Variants in VSNL1 observed in about 807,000 individuals in gnomAD.
The protein encoded by VSNL1 is visinin-like protein 1.
A neutral mutation model predicts 20.4 loss-of-function variants in VSNL1; 6 were observed. That is an observed-to-expected ratio of 0.29 (90% CI 0.16 to 0.58). The LOEUF (loss-of-function observed/expected upper bound fraction) is 0.58. Among genes scored for constraint, VSNL1 ranks in the 20% least tolerant of loss-of-function variants. VSNL1 has a pLI of 0.90. For synonymous variants in VSNL1, 93 were observed against 86.4 expected (o/e 1.08, Z -0.42); for missense variants, 100 against 234.5 (o/e 0.43, Z 3.75).
intron 1 of VSNL1, among the ~76,000 whole-genome samples, chr2:17,589,771 A>C (rs780521191): frequency 1.3e-5 from 2 of 152,252 alleles, no homozygotes; most frequent in Non-Finnish European, 2.9e-5. Context: ...AGAAGCTGAT[A>C]CGTTGTTGAA....
intron 1 of VSNL1, among the ~76,000 whole-genome samples, chr2:17,582,287 G>T (rs1664367332): frequency 6.6e-6 from 1 of 152,100 alleles, no homozygotes; most frequent in Non-Finnish European, 1.5e-5. Flanking sequence ...AGCAGGTCTG[G>T]GAAGCCATGC....
chr2:17,604,641 G>A (rs774849169), intron 2 of VSNL1, among the ~76,000 whole-genome samples: 1 of 152,228 alleles, frequency 6.6e-6, no homozygotes, highest in Non-Finnish European at 1.5e-5. Flanking sequence ...TGCTACAGGT[G>A]GCCCCTGGGG....
chr2:17,640,022 G>A (rs1665847788), intron 2 of VSNL1, among the ~76,000 whole-genome samples: 1 of 152,142 alleles, frequency 6.6e-6, no homozygotes, highest in African/African-American at 2.4e-5. Flanking sequence ...GGCCAAGGCG[G>A]GAAGATCACT....
At chr2:17,594,134 G>A (rs1241105127) in intron 2 of VSNL1, among the ~76,000 whole-genome samples, 4 of 152,200 alleles carry the variant, frequency 2.6e-5, no homozygotes, top group Non-Finnish European at 1.5e-5. Flanking sequence ...CCAGCCTCAA[G>A]GTGAGGGGTC....
chr2:17,611,554 G>A (rs1222122638), intron 2 of VSNL1, among the ~76,000 whole-genome samples: 1 of 152,212 alleles, frequency 6.6e-6, no homozygotes, highest in Non-Finnish European at 1.5e-5. Context: ...GCTCCATCCA[G>A]GAAGGGGGCC....
chr2:17,587,867 T>C (rs1435563614), intron 1 of VSNL1, among the ~76,000 whole-genome samples: 2 of 152,120 alleles, frequency 1.3e-5, no homozygotes, highest in Admixed American at 1.3e-4. Context: ...AAAAAAGGGG[T>C]CAATAGTTTA....
At chr2:17,620,593 A>G (rs1665332052) in intron 2 of VSNL1, among the ~76,000 whole-genome samples, 1 of 152,224 alleles carries the variant, frequency 6.6e-6, no homozygotes, top group South Asian at 2.1e-4. Flanking sequence ...CAAAGGGGCC[A>G]CAGTAGAATG....
intron 1 of VSNL1, among the ~76,000 whole-genome samples, chr2:17,560,626 T>C (rs62131510): frequency 0.029 from 4,448 of 152,228 alleles, 61 homozygotes; most frequent in Middle Eastern, 0.054. Flanking sequence ...ATTTCGGGCA[T>C]ATTAAAGACT....
At chr2:17,609,932 A>G (rs1665045547) in intron 2 of VSNL1, among the ~76,000 whole-genome samples, 1 of 152,186 alleles carries the variant, frequency 6.6e-6, no homozygotes, top group Non-Finnish European at 1.5e-5. Context: ...TTATCCCCAC[A>G]TGGAGCCCGG....
intron 1 of VSNL1, among the ~76,000 whole-genome samples, chr2:17,565,979 T>C (rs1284395442): frequency 6.6e-6 from 1 of 152,220 alleles, no homozygotes; most frequent in Non-Finnish European, 1.5e-5. Context: ...AGGATGTGTT[T>C]GCTTCCCCTT....
chr2:17,604,604 T>C (rs1664902331), intron 2 of VSNL1, among the ~76,000 whole-genome samples: 1 of 152,238 alleles, frequency 6.6e-6, no homozygotes, highest in Admixed American at 6.5e-5. Flanking sequence ...TAACACGGTG[T>C]TCCCGTGAGA....
chr2:17,625,297 T>C (rs1572206878), intron 2 of VSNL1, among the ~76,000 whole-genome samples: 1 of 152,334 alleles, frequency 6.6e-6, no homozygotes, highest in East Asian at 1.9e-4. Flanking sequence ...AACAGACTAA[T>C]ACAGGGCTCA....
intron 1 of VSNL1, among the ~76,000 whole-genome samples, chr2:17,566,301 T>C (rs62131526): frequency 6.6e-6 from 1 of 152,182 alleles, no homozygotes; most frequent in Non-Finnish European, 1.5e-5. Flanking sequence ...ATATGCATCT[T>C]CTGCTGTATT....
chr2:17,623,169 T>TA (rs56680217), intron 2 of VSNL1, among the ~76,000 whole-genome samples: 2,006 of 152,048 alleles, frequency 0.013, 24 homozygotes, highest in East Asian at 0.037. Context: ...ATCAATATCT[T>TA]AAAAAAAATT....
At chr2:17,571,578 T>A (rs2103356718) in intron 1 of VSNL1, among the ~76,000 whole-genome samples, 1 of 152,288 alleles carries the variant, frequency 6.6e-6, no homozygotes, top group South Asian at 2.1e-4. Flanking sequence ...AATTAAGATA[T>A]TCATAGAACA....
At chr2:17,615,209 C>A (rs966576294) in intron 2 of VSNL1, among the ~76,000 whole-genome samples, 5 of 152,184 alleles carry the variant, frequency 3.3e-5, no homozygotes, top group African/African-American at 1.2e-4. Flanking sequence ...AGCTCCCTGC[C>A]CCCTCTCTCT....
intron 3 of VSNL1, among the ~76,000 whole-genome samples, chr2:17,650,069 T>G (rs1342951514): frequency 6.6e-6 from 1 of 152,160 alleles, no homozygotes; most frequent in Non-Finnish European, 1.5e-5. Context: ...TAACCCAGGA[T>G]TCCTCTGCCA....
At chr2:17,567,353 C>CTTTTTTTTTTT (rs57144136) in intron 1 of VSNL1, 1 of 84,554 alleles carries the variant, frequency 1.2e-5, no homozygotes, top group Non-Finnish European at 2.0e-5. Flanking sequence ...TAGAGTCTCA[C>CTTTTTTTTTTT]TTTTTTTTTT....
At chr2:17,652,127 G>A (rs1426917833) in intron 3 of VSNL1, among the ~76,000 whole-genome samples, 1 of 152,180 alleles carries the variant, frequency 6.6e-6, no homozygotes, top group African/African-American at 2.4e-5. Flanking sequence ...CCCATGTGTT[G>A]TGATACTTAT....
Sources: gnomAD v4.1 joint callset for allele counts (sites outside exome capture counted in the v4.1 genomes callset) on GRCh38, gnomAD v4.1.1 for gene constraint, MANE v1.5 for transcripts, NCBI Gene and HGNC (gene_info 2026-07-23, HGNC 2026-07-21) for gene names.